Variants in SFI1 observed in about 807,000 individuals in gnomAD.
SFI1 encodes SFI1 centrin binding protein, also known as protein SFI1 homolog.
A neutral mutation model predicts 207.5 loss-of-function variants in SFI1; 195 were observed. The ratio of observed to expected loss-of-function variants is 0.94; its 90% CI spans 0.84 to 1.06. The LOEUF (loss-of-function observed/expected upper bound fraction) is 1.06, where lower values mean the gene tolerates loss of function less well. Ranked by LOEUF, SFI1 falls within the 50% of genes least tolerant of loss-of-function variation. The pLI is 0.00. For synonymous variants in SFI1, 630 were observed against 598.9 expected (o/e 1.05, Z -0.76); for missense variants, 1,634 against 1,588.0 (o/e 1.03, Z -0.49).
chr22:31,598,143 A>G (rs1414030411), intron 15 of SFI1, among the ~76,000 whole-genome samples: 1 of 151,016 alleles, frequency 6.6e-6, no homozygotes, highest in African/African-American at 2.4e-5. Context: ...ACACCCGGCT[A>G]ATTTTTTGTA....
chr22:31,614,986 G>A, intron 28 of SFI1, 62 bp from the exon 29 acceptor site: 2 of 1,584,438 alleles, frequency 1.3e-6, no homozygotes, highest in Non-Finnish European at 1.7e-6. Flanking sequence ...TTTCCTTCTT[G>A]TTCTTTGGTC....
At chr22:31,513,756 T>C (rs1216289529) in intron 2 of SFI1, among the ~76,000 whole-genome samples, 2 of 151,836 alleles carry the variant, frequency 1.3e-5, no homozygotes, top group Non-Finnish European at 2.9e-5. Context: ...TTTTTTTGAA[T>C]TTTTAGTAGA....
At chr22:31,534,809 G>T (rs1964529520) in intron 4 of SFI1, among the ~76,000 whole-genome samples, 1 of 149,936 alleles carries the variant, frequency 6.7e-6, no homozygotes, top group Admixed American at 6.6e-5. Flanking sequence ...AAATCTTCTG[G>T]CATACTTGTG....
chr22:31,548,489 A>C (rs2060312166), intron 5 of SFI1, among the ~76,000 whole-genome samples: 1 of 150,014 alleles, frequency 6.7e-6, no homozygotes, highest in Non-Finnish European at 1.5e-5. Context: ...ACAAAAAAAA[A>C]AAAATTAGCC....
intron 3 of SFI1, chr22:31,530,776 AATT>A (rs1281330603): frequency 3.8e-5 from 17 of 453,190 alleles, no homozygotes; most frequent in African/African-American, 9.9e-5. Context: ...TGAACAAAAG[AATT>A]ATTATGTACT....
chr22:31,565,727 G>T (rs5749303), intron 8 of SFI1, among the ~76,000 whole-genome samples: 1 of 151,886 alleles, frequency 6.6e-6, no homozygotes, highest in Admixed American at 6.6e-5. Context: ...TAAGTAAATG[G>T]TATGGCTTTG....
chr22:31,559,446 C>T (rs78623203), intron 7 of SFI1: 8,845 of 402,062 alleles, frequency 0.022, 674 homozygotes, highest in African/African-American at 0.17. Flanking sequence ...AAATGGCTTC[C>T]GCGGGAGGCC....
chr22:31,617,322 C>G (rs2071784409), intron 31 of SFI1, among the ~76,000 whole-genome samples: 1 of 151,198 alleles, frequency 6.6e-6, no homozygotes, highest in Non-Finnish European at 1.5e-5. Flanking sequence ...CACCTGTGCA[C>G]AGAGGCTCTG....
At chr22:31,617,280 G>T (rs1569474553) in intron 31 of SFI1, among the ~76,000 whole-genome samples, 1 of 152,100 alleles carries the variant, frequency 6.6e-6, no homozygotes, top group Non-Finnish European at 1.5e-5. Flanking sequence ...ACCCGGCTCA[G>T]TGCTGCTTAG....
chr22:31,556,868 C>T lies in SFI1; in HGVS notation c.545-74C>T, dbSNP rs1463774374. 3.0e-6 allele frequency: 3 copies of T among 1,003,840 alleles called. No homozygotes were observed. The African/African-American group carries it at 4.9e-5, about 16-fold the overall frequency. 62.2% of individuals were successfully genotyped at this position (1,003,840 alleles called of 1,614,324 possible). On this transcript the variant is annotated intron_variant, in intron 6 of 32. Transcript: ENST00000400288. ...GGATTTAGGTATTCAAAGGAGAGCC[C>T]TTGAGCTTTTATCATAACCCAGAGT... is the stretch of plus-strand genomic sequence containing the variant.
chr22:31,613,251 C>T (rs750133418), intron 25 of SFI1, 35 bp downstream of exon 25: 1 of 1,612,838 alleles, frequency 6.2e-7, no homozygotes, highest in African/African-American at 1.3e-5. Flanking sequence ...ATCCCTGCCT[C>T]TCCCTCAGGC....
rs370358617 is a variant in SFI1 at position 31,616,993 on chromosome 22, G to A, written c.3434-7G>A. 1.8e-5 allele frequency: 29 copies of A among 1,613,994 alleles called. No individual in the cohort carries two copies. In the East Asian group the frequency reaches 2.2e-4, roughly 12 times the overall value. On this transcript the variant is annotated splice_region_variant and splice_polypyrimidine_tract_variant and intron_variant, in intron 30 of 32. Transcript: ENST00000400288. ...AGTCTGAAACAAGCTTACTTCTGTCGCCATAGGCAGCCTGGACCTTGAGGC... is the reference window on the plus strand; with the variant it reads ...AGTCTGAAACAAGCTTACTTCTGTCACCATAGGCAGCCTGGACCTTGAGGC...
intron 15 of SFI1, among the ~76,000 whole-genome samples, chr22:31,594,012 G>C (rs9609334): frequency 0.016 from 586 of 37,786 alleles, 10 homozygotes; most frequent in Non-Finnish European, 0.027. Context: ...GGGACAGGGA[G>C]AGGGAGAGGG....
intron 6 of SFI1, among the ~76,000 whole-genome samples, chr22:31,552,014 TG>T (rs1214023979): frequency 2.0e-5 from 3 of 152,234 alleles, no homozygotes; most frequent in Admixed American, 6.5e-5. Context: ...TTTCAACCCT[TG>T]GGCCTCTTCC....
At chr22:31,514,150 A>G (rs1305697796) in intron 2 of SFI1, among the ~76,000 whole-genome samples, 9 of 149,640 alleles carry the variant, frequency 6.0e-5, no homozygotes, top group African/African-American at 1.7e-4. Context: ...CAAAAAAAAA[A>G]AAAAAAAAAA....
intron 1 of SFI1, among the ~76,000 whole-genome samples, chr22:31,501,783 A>G (rs2053815907): frequency 6.6e-6 from 1 of 152,202 alleles, no homozygotes; most frequent in Non-Finnish European, 1.5e-5. Flanking sequence ...ACATTTTGTT[A>G]AAACATAACA....
intron 15 of SFI1, among the ~76,000 whole-genome samples, chr22:31,599,894 T>TA (rs2067835609): frequency 6.6e-6 from 1 of 151,658 alleles, no homozygotes; most frequent in Admixed American, 6.6e-5. Context: ...TTTTTTTTTT[T>TA]AAGAAATAAA....
In SFI1 at chr22:31,516,577, G is replaced by A. The variant is rs141200427; in HGVS notation, c.92+8201G>A. Among the ~76,000 whole-genome samples, 3 of 151,990 alleles carry A rather than the reference G, an allele frequency of 2.0e-5. No homozygotes were observed. In the East Asian group the frequency reaches 5.8e-4, roughly 29 times the overall value. On this transcript the variant is annotated intron_variant, in intron 2 of 32. Coordinates refer to ENST00000400288, the MANE Select transcript of SFI1 (RefSeq NM_001007467.3). ...TCAACCCCTGTAATCCCAGCACTTTGGAAGGCCAACGCAGGCAGATCATTT... is the reference window on the plus strand; with the variant it reads ...TCAACCCCTGTAATCCCAGCACTTTAGAAGGCCAACGCAGGCAGATCATTT...
intron 2 of SFI1, among the ~76,000 whole-genome samples, chr22:31,519,485 G>T (rs1243661971): frequency 6.6e-6 from 1 of 151,418 alleles, no homozygotes; most frequent in Non-Finnish European, 1.5e-5. Flanking sequence ...CGCCCAGGCT[G>T]GAGTGCAGTG....
Sources: allele counts gnomAD v4.1 joint callset (sites outside exome capture counted in the v4.1 genomes callset), GRCh38; gene constraint gnomAD v4.1.1; transcripts MANE v1.5; gene names NCBI Gene and HGNC (gene_info 2026-07-23, HGNC 2026-07-21).